The following ATP1B1 variants were observed in gnomAD, a reference collection of about 807,000 sequenced individuals.
ATP1B1 encodes ATPase Na+/K+ transporting subunit beta 1.
Under a neutral mutation model 39.6 loss-of-function variants are expected in ATP1B1, and 3 were observed. The ratio of observed to expected loss-of-function variants is 0.08; its 90% CI spans 0.03 to 0.20. ATP1B1 has a LOEUF of 0.20. Ranked by LOEUF, ATP1B1 falls within the 10% of genes least tolerant of loss-of-function variation. The pLI, the probability that ATP1B1 is intolerant of heterozygous loss-of-function variation, is 1.00. For missense variants in ATP1B1, 216 were observed against 371.1 expected (o/e 0.58, Z 3.43); for synonymous variants, 139 against 135.0 (o/e 1.03, Z -0.20).
Position 169,132,019 on chromosome 1 carries a change from A to ATTTTTT in ATP1B1, c.*481_*486dup, listed in dbSNP as rs34447553. 57 of 190,938 alleles carry ATTTTTT rather than the reference A, an allele frequency of 3.0e-4. 1 individual carries two copies. Among genetic ancestry groups the ATTTTTT allele is most frequent in the South Asian group, 9.4e-4 (18 of 19,132 alleles). The allele number at this position is 190,938 out of a possible 1,614,324, so 11.8% of individuals were successfully genotyped here. Reference sequence around the variant, plus strand: ...CAACGGGAATAAAACTGGCATGGTAATTTTTTTTTTTTTTTTTTTTTTGTT... The same window carrying ATTTTTT: ...CAACGGGAATAAAACTGGCATGGTAATTTTTTTTTTTTTTTTTTTTTTTTTTTTGTT... On this transcript the variant is annotated 3_prime_UTR_variant, in exon 6 of 6. Transcript: ENST00000367815.
intron 2 of ATP1B1, among the ~76,000 whole-genome samples, chr1:169,118,738 T>C (rs77321864): frequency 0.011 from 1,682 of 152,292 alleles, 35 homozygotes; most frequent in African/African-American, 0.039. Flanking sequence ...AATTGGAAAT[T>C]ACTTTTCAAC....
intron 1 of ATP1B1, among the ~76,000 whole-genome samples, chr1:169,109,782 G>A (rs1200133): frequency 6.0e-5 from 9 of 150,352 alleles, no homozygotes; most frequent in African/African-American, 1.5e-4. Flanking sequence ...TGGGGGTGGG[G>A]GGCAGCAAGA....
At chr1:169,122,342 T>A (rs1214717511) in intron 2 of ATP1B1, among the ~76,000 whole-genome samples, 1 of 151,936 alleles carries the variant, frequency 6.6e-6, no homozygotes, top group Non-Finnish European at 1.5e-5. Context: ...TATTTACAAC[T>A]TAAACCAGGA....
In ATP1B1 at chr1:169,124,884, G is replaced by T; in HGVS notation, c.227G>T (p.Gly76Val). The T allele has an allele frequency of 6.2e-7, 1 of 1,613,300 alleles. No individual in the cohort carries two copies. The highest frequency in any genetic ancestry group is 1.1e-5 in the South Asian group (1 of 90,904). Residue 76 changes from glycine to valine, a missense_variant and splice_region_variant, in exon 3 of 6, where the codon GGA becomes GTA. Coordinates refer to ENST00000367815, the MANE Select transcript of ATP1B1 (RefSeq NM_001677.4). ...ATGTTTTTCTCTCTGCCTGGTCTAGGATTAACACAGATTCCTCAGATCCAG... is the reference window on the plus strand; with the variant it reads ...ATGTTTTTCTCTCTGCCTGGTCTAGTATTAACACAGATTCCTCAGATCCAG... ...PTYQDRVAPP[G>V]LTQIPQIQKT...
chr1:169,132,049 GGC>G lies in ATP1B1; in HGVS notation c.*495_*496del. 4.5e-5 allele frequency: 3 copies of G among 66,894 alleles called. No homozygotes were observed. Among genetic ancestry groups the G allele is most frequent in the South Asian group, 3.8e-4 (2 of 5,244 alleles). 4.1% of individuals were successfully genotyped at this position (66,894 alleles called of 1,614,324 possible). A position where few individuals can be genotyped will look rare whatever the true frequency, so the allele number is the denominator to read the frequency against. ...TTTTTTTTTTTTTTTTTTGTTTTTT[GGC>G]TCTTTCAAAGGTAATGGCCCATCGA... On this transcript the variant is annotated 3_prime_UTR_variant, in exon 6 of 6. Transcript: ENST00000367815.
chr1:169,124,467 C>G (rs1244875731), intron 2 of ATP1B1, among the ~76,000 whole-genome samples: 2 of 152,192 alleles, frequency 1.3e-5, no homozygotes, highest in East Asian at 3.8e-4. Flanking sequence ...GCCACCTGCA[C>G]ACAATGCTAG....
chr1:169,121,177 C>T (rs1657974558), intron 2 of ATP1B1, among the ~76,000 whole-genome samples: 1 of 152,054 alleles, frequency 6.6e-6, no homozygotes, highest in Admixed American at 6.5e-5. Context: ...GAACTCCTGG[C>T]CTCAAGTGAT....
chr1:169,132,600 ATGT>A lies in ATP1B1; in HGVS notation c.*1049_*1051del, dbSNP rs1008338835. The A allele has an allele frequency of 3.4e-5, 18 of 529,534 alleles. No individual in the cohort carries two copies. Among genetic ancestry groups the A allele is most frequent in the Non-Finnish European group, 4.6e-5 (14 of 301,420 alleles). 32.8% of individuals were successfully genotyped at this position (529,534 alleles called of 1,614,324 possible). On this transcript the variant is annotated 3_prime_UTR_variant, in exon 6 of 6. Transcript: ENST00000367815. ...GCAGTACCCCATAGACTGGTGTTAA[ATGT>A]TGTCTACAGTGCAAAATCCATGTTC...
chr1:169,127,204 A>C lies in ATP1B1; in HGVS notation c.383-20A>C. The C allele has an allele frequency of 6.4e-7, 1 of 1,558,822 alleles. No homozygotes were observed. Among genetic ancestry groups the C allele is most frequent in the Non-Finnish European group, 8.6e-7 (1 of 1,162,026 alleles). The stretch of plus-strand genomic sequence containing the variant: ...AAGGGAATTGCTGGTACAATATAAA[A>C]GTTGTGTTTTTATTTTTAGATGTGC... On this transcript the variant is annotated intron_variant, in intron 3 of 5. Transcript: ENST00000367815.
At position 169,131,136 on chromosome 1, in the gene ATP1B1, T is replaced by C. The variant is rs115669062; in HGVS notation, c.649-156T>C. 8.8e-3 allele frequency among the ~76,000 whole-genome samples: 1,337 copies of C among 152,320 alleles called. 21 individuals are homozygous for C. The highest frequency in any genetic ancestry group is 0.03 in the African/African-American group (1,263 of 41,578). On this transcript the variant is annotated intron_variant, in intron 5 of 5. Coordinates refer to ENST00000367815, the MANE Select transcript of ATP1B1 (RefSeq NM_001677.4). The surrounding 1 kb of genome is among the most constrained non-coding windows in gnomAD (Gnocchi z 4.4). Reference sequence around the variant, plus strand: ...GCACATTGAGAATAGTCTCTTCTTATGACCATTTCTCAAGGCTGCAATGGA... The same window carrying C: ...GCACATTGAGAATAGTCTCTTCTTACGACCATTTCTCAAGGCTGCAATGGA...
At chr1:169,118,891 AT>A (rs1271909823) in intron 2 of ATP1B1, among the ~76,000 whole-genome samples, 1 of 152,138 alleles carries the variant, frequency 6.6e-6, no homozygotes, top group Non-Finnish European at 1.5e-5. Context: ...TGATCTAGTG[AT>A]TTATCAGATG....
At position 169,112,696 on chromosome 1, in the gene ATP1B1, G is replaced by A. The variant is rs192504640; in HGVS notation, c.226+1198G>A. Reference sequence around the variant, plus strand: ...TTGTTGTGTAGCCCTAAGTCAAATAGTTCTCCACTGTAAGAAAAACTCAAA... The same window carrying A: ...TTGTTGTGTAGCCCTAAGTCAAATAATTCTCCACTGTAAGAAAAACTCAAA... On this transcript the variant is annotated intron_variant, in intron 2 of 5. Transcript: ENST00000367815. Among the ~76,000 whole-genome samples the A allele has an allele frequency of 2.6e-5, 4 of 152,228 alleles. No individual in the cohort carries two copies. The East Asian group carries it at 7.7e-4, about 29-fold the overall frequency.
chr1:169,120,634 A>G (rs1657959035), intron 2 of ATP1B1, among the ~76,000 whole-genome samples: 1 of 152,202 alleles, frequency 6.6e-6, no homozygotes, highest in African/African-American at 2.4e-5. Context: ...CTAGTTTCTG[A>G]TGCTTCTGTA....
chr1:169,129,066 A>G (rs948837966), intron 4 of ATP1B1, among the ~76,000 whole-genome samples: 1 of 152,340 alleles, frequency 6.6e-6, no homozygotes, highest in Non-Finnish European at 1.5e-5. Flanking sequence ...CATTTTCTCT[A>G]CATATTTTTA....
chr1:169,115,351 CTTT>C (rs536780262), intron 2 of ATP1B1, among the ~76,000 whole-genome samples: 2 of 138,652 alleles, frequency 1.4e-5, no homozygotes, highest in Non-Finnish European at 1.6e-5. Context: ...TTCTTTTTTT[CTTT>C]TTTTTTTTTT....
intron 1 of ATP1B1, chr1:169,110,762 G>T: frequency 9.4e-7 from 1 of 1,068,856 alleles, no homozygotes; most frequent in South Asian, 1.4e-5. Flanking sequence ...TCCTCCGAGG[G>T]GAAAGAGTGT....
chr1:169,121,293 T>C (rs770236055), intron 2 of ATP1B1, among the ~76,000 whole-genome samples: 3 of 152,212 alleles, frequency 2.0e-5, no homozygotes, highest in Non-Finnish European at 4.4e-5. Context: ...GAAAGATTTG[T>C]CATAGTCTAT....
At chr1:169,123,075 A>G (rs995455387) in intron 2 of ATP1B1, among the ~76,000 whole-genome samples, 5 of 152,074 alleles carry the variant, frequency 3.3e-5, no homozygotes, top group Non-Finnish European at 7.4e-5. Flanking sequence ...ATCCTCAATC[A>G]CTAGAAAGAA....
intron 2 of ATP1B1, among the ~76,000 whole-genome samples, chr1:169,118,321 C>T (rs917893747): frequency 4.6e-5 from 7 of 152,078 alleles, no homozygotes; most frequent in South Asian, 2.1e-4. Flanking sequence ...AGAGACAGTC[C>T]GGGGATTCAG....
Sources: allele counts gnomAD v4.1 joint callset (sites outside exome capture counted in the v4.1 genomes callset), GRCh38; gene constraint gnomAD v4.1.1; non-coding constraint Gnocchi (gnomAD v3.1); transcripts MANE v1.5; gene names NCBI Gene and HGNC (gene_info 2026-07-23, HGNC 2026-07-21).